FARS2: variants seen among roughly 807,000 people sequenced by gnomAD.
The protein encoded by FARS2 is phenylalanine--tRNA ligase, mitochondrial.
Under a neutral mutation model 46.4 loss-of-function variants are expected in FARS2, and 40 were observed. The observed-to-expected ratio is 0.86, with a 90% CI of 0.67 to 1.12. The LOEUF (loss-of-function observed/expected upper bound fraction) is 1.12. Ranked by LOEUF, FARS2 falls within the 50% of genes most tolerant of loss-of-function variation. The pLI, the probability that FARS2 is intolerant of heterozygous loss-of-function variation, is 0.00. For missense variants in FARS2, 513 were observed against 567.9 expected, an observed-to-expected ratio of 0.90 and a Z score of 0.98; for synonymous variants, 234 against 214.9, an observed-to-expected ratio of 1.09 and a Z score of -0.78.
At chr6:5,646,885 G>A (rs114601469) in intron 6 of FARS2, among the ~76,000 whole-genome samples, 12 of 152,122 alleles carry the variant, frequency 7.9e-5, no homozygotes, top group African/African-American at 2.9e-4. Context: ...TGAATCCATG[G>A]ATATGGAACC....
rs553968290 is a variant in FARS2 at position 5,398,686 on chromosome 6, C to T, written c.613-5856C>T. ...CAGAGCTAGGAAATACATATACCTA[C>T]TTCTATTTCCGTATTGATGTATCTG... On this transcript the variant is annotated intron_variant, in intron 2 of 6. Transcript: ENST00000274680. Among the ~76,000 whole-genome samples, 12 of 152,242 alleles carry T rather than the reference C, an allele frequency of 7.9e-5. No individual in the cohort carries two copies. The East Asian group carries it at 2.1e-3, about 27-fold the overall frequency.
chr6:5,657,012 T>C (rs1241085287), intron 6 of FARS2, among the ~76,000 whole-genome samples: 1 of 152,204 alleles, frequency 6.6e-6, no homozygotes, highest in Non-Finnish European at 1.5e-5. Context: ...AATAATGTTA[T>C]ACAGATATTT....
intron 4 of FARS2, chr6:5,452,277 G>A (rs1764541143): frequency 2.0e-5 from 3 of 152,322 alleles, no homozygotes. Context: ...GCTACACCAG[G>A]ACGCACAGAG....
chr6:5,649,053 A>G, intron 6 of FARS2, among the ~76,000 whole-genome samples: 1 of 152,222 alleles, frequency 6.6e-6, no homozygotes, highest in East Asian at 1.9e-4. Flanking sequence ...ACTTACTACA[A>G]AATGTCTTTT....
chr6:5,580,157 G>A (rs1323823723), intron 5 of FARS2, among the ~76,000 whole-genome samples: 1 of 151,590 alleles, frequency 6.6e-6, no homozygotes, highest in African/African-American at 2.4e-5. Context: ...GGGCGTGGTG[G>A]TGCGCACCTG....
intron 1 of FARS2, among the ~76,000 whole-genome samples, chr6:5,363,036 C>T (rs1758416758): frequency 1.3e-5 from 2 of 150,956 alleles, no homozygotes; most frequent in South Asian, 4.2e-4. Flanking sequence ...ACACCATTCT[C>T]CTGCCTCAGC....
chr6:5,723,887 C>T (rs1760074637), intron 6 of FARS2, among the ~76,000 whole-genome samples: 1 of 152,202 alleles, frequency 6.6e-6, no homozygotes, highest in African/African-American at 2.4e-5. Context: ...GAAGCGGCCA[C>T]AGCAGGCGGT....
intron 4 of FARS2, among the ~76,000 whole-genome samples, chr6:5,494,217 TG>T: frequency 6.6e-6 from 1 of 152,094 alleles, no homozygotes. Context: ...AGTGACTACT[TG>T]TTTGAGTCAG....
chr6:5,371,941 C>T (rs1435365327), intron 2 of FARS2, among the ~76,000 whole-genome samples: 4 of 151,828 alleles, frequency 2.6e-5, no homozygotes, highest in Non-Finnish European at 4.4e-5. Flanking sequence ...GAAACAAAAC[C>T]ACACCAAAGG....
At chr6:5,259,662 G>A (rs987772183), upstream of FARS2, among the ~76,000 whole-genome samples, 6 of 152,202 alleles carry the variant, frequency 3.9e-5, no homozygotes, top group Admixed American at 3.3e-4. Flanking sequence ...CCAAGGGTAG[G>A]CTCTGCTCTT....
At chr6:5,298,521 C>G (rs1024504123) in intron 1 of FARS2, among the ~76,000 whole-genome samples, 2 of 152,194 alleles carry the variant, frequency 1.3e-5, no homozygotes, top group South Asian at 4.1e-4. Context: ...TATCTTTAGA[C>G]TAATCTCTAA....
At chr6:5,634,313 T>G (rs1175039569) in intron 6 of FARS2, among the ~76,000 whole-genome samples, 1 of 152,188 alleles carries the variant, frequency 6.6e-6, no homozygotes, top group Non-Finnish European at 1.5e-5. Flanking sequence ...TTTTTTATTT[T>G]TATTTTTGAG....
chr6:5,491,622 G>A (rs575607576), intron 4 of FARS2, among the ~76,000 whole-genome samples: 28 of 152,268 alleles, frequency 1.8e-4, no homozygotes, highest in Non-Finnish European at 3.7e-4. Flanking sequence ...GTCCTTCCCC[G>A]AAAGATATGA....
chr6:5,399,523 A>G (rs1181457893), intron 2 of FARS2, among the ~76,000 whole-genome samples: 1 of 152,120 alleles, frequency 6.6e-6, no homozygotes, highest in Admixed American at 6.6e-5. Context: ...TCAGAACTAT[A>G]CAACAAGGTT....
chr6:5,522,973 C>T (rs1019201492), intron 4 of FARS2, among the ~76,000 whole-genome samples: 23 of 152,164 alleles, frequency 1.5e-4, no homozygotes, highest in African/African-American at 5.5e-4. Flanking sequence ...GAGAAGAGAA[C>T]TGAGTACAGA....
chr6:5,300,945 G>C (rs983490663), intron 1 of FARS2, among the ~76,000 whole-genome samples: 1 of 152,000 alleles, frequency 6.6e-6, no homozygotes, highest in Non-Finnish European at 1.5e-5. Flanking sequence ...ATGTTGCCCA[G>C]GCTGGTCTCA....
chr6:5,512,602 C>T (rs1768523819), intron 4 of FARS2, among the ~76,000 whole-genome samples: 1 of 151,848 alleles, frequency 6.6e-6, no homozygotes, highest in South Asian at 2.1e-4. Context: ...AGTCTGAAAA[C>T]ATTACTCAGC....
intron 4 of FARS2, among the ~76,000 whole-genome samples, chr6:5,452,925 C>T (rs937454318): frequency 1.3e-5 from 2 of 152,012 alleles, no homozygotes; most frequent in African/African-American, 4.8e-5. Context: ...AAGACAGGCA[C>T]CTGAAGCCCA....
chr6:5,571,033 G>A (rs1455324306), intron 5 of FARS2, among the ~76,000 whole-genome samples: 1 of 152,054 alleles, frequency 6.6e-6, no homozygotes, highest in Non-Finnish European at 1.5e-5. Context: ...CAAATTTTTC[G>A]TGAAGACTTG....
Sources: allele counts gnomAD v4.1 joint callset (sites outside exome capture counted in the v4.1 genomes callset), GRCh38; gene constraint gnomAD v4.1.1; transcripts MANE v1.5; gene names NCBI Gene and HGNC (gene_info 2026-07-23, HGNC 2026-07-21).